Variants in INSYN2A observed in about 807,000 individuals in gnomAD.
INSYN2A encodes family with sequence similarity 196 member A.
Under a neutral mutation model 39.4 loss-of-function variants are expected in INSYN2A, and 17 were observed. That is an observed-to-expected ratio of 0.43 (90% CI 0.30 to 0.65). INSYN2A has a LOEUF of 0.65. Ranked by LOEUF, INSYN2A falls within the 30% of genes least tolerant of loss-of-function variation. The probability of loss-of-function intolerance (pLI) is 0.14; values close to 1 mark genes in which losing one functional copy is unlikely to be tolerated. For synonymous variants in INSYN2A, 255 were observed against 265.7 expected, an observed-to-expected ratio of 0.96 and a Z score of 0.39; for missense variants, 595 against 631.2, an observed-to-expected ratio of 0.94 and a Z score of 0.61.
chr10:127,143,336 G>C (rs929185306), intron 5 of INSYN2A, among the ~76,000 whole-genome samples: 1 of 152,214 alleles, frequency 6.6e-6, no homozygotes, highest in African/African-American at 2.4e-5. Context: ...CAGCAGGTCA[G>C]AGGCCTCTGC....
At chr10:127,185,649 C>A (rs2056163366) in intron 2 of INSYN2A, among the ~76,000 whole-genome samples, 1 of 152,092 alleles carries the variant, frequency 6.6e-6, no homozygotes, top group African/African-American at 2.4e-5. Context: ...TAGAACCTGG[C>A]TGTATAATGA....
In INSYN2A at chr10:127,196,237, AGCTCGCGTC is replaced by A. The variant is rs923640930; in HGVS notation, c.-644_-636del. The A allele has an allele frequency of 1.4e-5, 2 of 147,432 alleles. No individual in the cohort carries two copies. Among genetic ancestry groups the A allele is most frequent in the African/African-American group, 4.9e-5 (2 of 40,410 alleles). 9.1% of individuals were successfully genotyped at this position (147,432 alleles called of 1,614,324 possible). A position where few individuals can be genotyped will look rare whatever the true frequency, so the allele number is the denominator to read the frequency against. On this transcript the variant is annotated 5_prime_UTR_variant, in exon 1 of 6. Transcript: ENST00000522781. ...CTGGCCCGGCCGGCCCCCGCGCCGC[AGCTCGCGTC>A]GCTCGCGTCCCTCCGGCCCCGCTTA...
chr10:127,183,959 A>G (rs1226972646), intron 2 of INSYN2A, among the ~76,000 whole-genome samples: 2 of 152,142 alleles, frequency 1.3e-5, no homozygotes, highest in Non-Finnish European at 2.9e-5. Context: ...ACATGAAACC[A>G]TATCCTTCCC....
intron 5 of INSYN2A, among the ~76,000 whole-genome samples, chr10:127,151,010 G>A (rs1197875126): frequency 6.6e-6 from 1 of 152,136 alleles, no homozygotes; most frequent in East Asian, 1.9e-4. Flanking sequence ...AAAATAACAT[G>A]TTTAAGTTAG....
chr10:127,145,315 A>T (rs1327759637), intron 5 of INSYN2A, among the ~76,000 whole-genome samples: 1 of 152,154 alleles, frequency 6.6e-6, no homozygotes, highest in Non-Finnish European at 1.5e-5. Flanking sequence ...AAGACACCCC[A>T]TGACTAACAG....
intron 5 of INSYN2A, among the ~76,000 whole-genome samples, chr10:127,144,424 A>T (rs1260803643): frequency 6.6e-6 from 1 of 152,124 alleles, no homozygotes. Context: ...CTGTGAACTC[A>T]TTGAAGGATG....
chr10:127,141,400 G>C (rs943420119), intron 5 of INSYN2A, among the ~76,000 whole-genome samples: 12 of 152,164 alleles, frequency 7.9e-5, no homozygotes, highest in Non-Finnish European at 1.5e-5. Flanking sequence ...AATGAGAACA[G>C]AGTCTTAAAA....
chr10:127,179,381 A>G (rs543992945), intron 2 of INSYN2A, among the ~76,000 whole-genome samples: 1 of 152,344 alleles, frequency 6.6e-6, no homozygotes, highest in African/African-American at 2.4e-5. Context: ...TAAAAAAATG[A>G]TGGTAATACT....
At chr10:127,147,711 A>G (rs1170664480) in intron 5 of INSYN2A, among the ~76,000 whole-genome samples, 1 of 152,028 alleles carries the variant, frequency 6.6e-6, no homozygotes, top group Non-Finnish European at 1.5e-5. Flanking sequence ...GGGCTAAGGC[A>G]TTTTTATCAA....
In INSYN2A at chr10:127,175,847, T is replaced by G; in HGVS notation, c.549A>C (p.Thr183=). The change falls in exon 4 of 6, where the codon ACA becomes ACC. Residue 183 remains threonine (T), a synonymous_variant. Coordinates refer to ENST00000522781, the MANE Select transcript of INSYN2A (RefSeq NM_001039762.3). This position sits in a 1 kb window ranked among gnomAD's most constrained non-coding sequence, Gnocchi z 6.3. The part of the protein sequence containing the change: ...LVFHSNQHMN[T]VDQPLGVNCT... ...AGTTGACCCCCAAAGGCTGGTCCAC[T>G]GTGTTCATGTGTTGGTTGGAATGGA... The G allele has an allele frequency of 1.9e-6, 3 of 1,614,140 alleles. No individual in the cohort carries two copies. The highest frequency in any genetic ancestry group is 2.5e-6 in the Non-Finnish European group (3 of 1,180,022).
At position 127,175,217 on chromosome 10, in the gene INSYN2A, C is replaced by T. The variant is rs1432355478; in HGVS notation, c.1179G>A (p.Arg393=). 18 of 1,611,424 alleles carry T rather than the reference C, an allele frequency of 1.1e-5. No homozygotes were observed. The highest frequency in any genetic ancestry group is 4.5e-5 in the East Asian group (2 of 44,860). ...IQELEKGEAH[R]EGLSYRTGQD... is the part of the protein sequence containing the mutation. ...ACATGGGTGAACATACATACCCTTC[C>T]CGATGGGCCTCTCCTTTTTCCAACT... The change falls in exon 4 of 6, where the codon CGG becomes CGA. Residue 393 remains arginine, a synonymous_variant. Coordinates refer to ENST00000522781, the MANE Select transcript of INSYN2A (RefSeq NM_001039762.3). This position sits in a 1 kb window ranked among gnomAD's most constrained non-coding sequence, Gnocchi z 6.3.
chr10:127,180,845 A>G (rs1455024063), intron 2 of INSYN2A, among the ~76,000 whole-genome samples: 1 of 152,248 alleles, frequency 6.6e-6, no homozygotes, highest in Non-Finnish European at 1.5e-5. Context: ...CAGTCTACAG[A>G]TTATACTGGA....
intron 4 of INSYN2A, among the ~76,000 whole-genome samples, chr10:127,171,051 G>A (rs867178730): frequency 6.6e-6 from 1 of 152,174 alleles, no homozygotes; most frequent in Non-Finnish European, 1.5e-5. Context: ...ACTGTGTGCT[G>A]GTTATAAGTG....
intron 4 of INSYN2A, among the ~76,000 whole-genome samples, chr10:127,166,184 GC>G (rs1426331887): frequency 6.6e-6 from 1 of 152,074 alleles, no homozygotes; most frequent in African/African-American, 2.4e-5. Context: ...TCCTGCCTCA[GC>G]CCCCCAAGTA....
In INSYN2A at chr10:127,138,024, G is replaced by T; in HGVS notation, c.1257-4C>A. On this transcript the variant is annotated splice_polypyrimidine_tract_variant and splice_region_variant and intron_variant, in intron 5 of 5. Transcript: ENST00000522781. ...CTGCTTAAAATCCAGCTCCACACTA[G>T]AAAAGAGAGAGAGTGAAGACTTTAG... 1 of 1,601,050 alleles carries T rather than the reference G, an allele frequency of 6.2e-7. No individual in the cohort carries two copies. Among genetic ancestry groups the T allele is most frequent in the South Asian group, 1.1e-5 (1 of 88,294 alleles).
chr10:127,176,379 G>T lies in INSYN2A; in HGVS notation c.17C>A (p.Thr6Asn). The T allele has an allele frequency of 6.2e-7, 1 of 1,608,638 alleles. No homozygotes were observed. Among genetic ancestry groups the T allele is most frequent in the Non-Finnish European group, 8.5e-7 (1 of 1,178,084 alleles). Residue 6 changes from threonine (T) to asparagine (N), a missense_variant, in exon 4 of 6, where the codon ACC (threonine) becomes AAC (asparagine). Thr to Asn is a moderately conservative substitution (Grantham distance 65). Coordinates refer to ENST00000522781, the MANE Select transcript of INSYN2A (RefSeq NM_001039762.3). The surrounding 1 kb of genome is among the most constrained non-coding windows in gnomAD (Gnocchi z 4.4). The part of the protein sequence containing the change: MVSKD[T>N]GKCILTTSES... ...CGACGTTGTGAGTATGCATTTGCCG[G>T]TGTCCTTACTGACCATGGTTCCTGC...
At position 127,176,971 on chromosome 10, in the gene INSYN2A, G is replaced by C. The variant is rs947435285; in HGVS notation, c.-100C>G. 2 of 152,404 alleles carry C rather than the reference G, an allele frequency of 1.3e-5. No homozygotes were observed. Among genetic ancestry groups the C allele is most frequent in the Admixed American group, 1.3e-4 (2 of 15,292 alleles). The allele number at this position is 152,404 out of a possible 1,614,324, so 9.4% of individuals were successfully genotyped here. A position where few individuals can be genotyped will look rare whatever the true frequency, so the allele number is the denominator to read the frequency against. ...GCGTGAGCCGTTATGGATTCCGGGG[G>C]AGAGTTGGCCGTGCTCCTGGGTGGG... On this transcript the variant is annotated 5_prime_UTR_variant, in exon 3 of 6. Coordinates refer to ENST00000522781, the MANE Select transcript of INSYN2A (RefSeq NM_001039762.3). The surrounding 1 kb of genome is among the most constrained non-coding windows in gnomAD (Gnocchi z 4.4).
Position 127,176,018 on chromosome 10 carries a change from G to C in INSYN2A, c.378C>G (p.Asn126Lys), listed in dbSNP as rs367902185. The part of the protein sequence containing the change: ...QTFPLDRKKG[N>K]LKSLPAADPF... ...GATCTGCAGCTGGGAGGCTTTTGAG[G>C]TTCCCCTTTTTGCGGTCCAGAGGGA... is the stretch of plus-strand genomic sequence containing the variant. Residue 126 changes from asparagine (N) to lysine (K), a missense_variant, in exon 4 of 6, where the codon AAC (asparagine) becomes AAG (lysine). Asn to Lys is a moderately conservative substitution (Grantham distance 94, BLOSUM62 0). Around this residue, in one of 2 missense-constraint regions of INSYN2A, gnomAD observed 478 missense variants for 467.4 expected, o/e 1.02. Transcript: ENST00000522781. This position sits in a 1 kb window ranked among gnomAD's most constrained non-coding sequence, Gnocchi z 4.4. The C allele has an allele frequency of 1.2e-6, 2 of 1,614,142 alleles. No individual in the cohort carries two copies. Among genetic ancestry groups the C allele is most frequent in the South Asian group, 2.2e-5 (2 of 91,074 alleles).
At chr10:127,178,404 C>T (rs955220357) in intron 2 of INSYN2A, among the ~76,000 whole-genome samples, 4 of 152,138 alleles carry the variant, frequency 2.6e-5, no homozygotes, top group Admixed American at 6.5e-5. Context: ...CTTTGCTGTG[C>T]GGTGCAGGGT....
Sources: allele counts gnomAD v4.1 joint callset (sites outside exome capture counted in the v4.1 genomes callset), GRCh38; gene constraint gnomAD v4.1.1; regional missense constraint gnomAD v4.1.1; non-coding constraint Gnocchi (gnomAD v3.1); transcripts MANE v1.5; gene names NCBI Gene and HGNC (gene_info 2026-07-23, HGNC 2026-07-21).